The following BMP5 variants were observed in gnomAD, a reference collection of about 807,000 sequenced individuals.
BMP5 encodes the protein bone morphogenetic protein 5.
In BMP5, 23 loss-of-function variants were observed where a neutral mutation model predicts 46.6. That is an observed-to-expected ratio of 0.49 (90% CI 0.35 to 0.70). The LOEUF is 0.70. Among genes scored for constraint, BMP5 ranks in the 30% least tolerant of loss-of-function variants. The pLI, the probability that BMP5 is intolerant of heterozygous loss-of-function variation, is 0.00. For synonymous variants in BMP5, 204 were observed against 191.9 expected (o/e 1.06, Z -0.52); for missense variants, 545 against 565.6 (o/e 0.96, Z 0.37).
intron 3 of BMP5, among the ~76,000 whole-genome samples, chr6:55,774,821 G>T (rs1020422): frequency 6.6e-6 from 1 of 151,874 alleles, no homozygotes; most frequent in African/African-American, 2.4e-5. Context: ...GGGGATGGAG[G>T]TCTGCTTTAA....
chr6:55,837,954 C>T (rs1483932012), intron 1 of BMP5, among the ~76,000 whole-genome samples: 1 of 152,128 alleles, frequency 6.6e-6, no homozygotes, highest in African/African-American at 2.4e-5. Context: ...CCTAATGATA[C>T]CTAGTTTCAT....
At chr6:55,767,548 A>C (rs1774943802) in intron 4 of BMP5, among the ~76,000 whole-genome samples, 1 of 151,186 alleles carries the variant, frequency 6.6e-6, no homozygotes, top group Non-Finnish European at 1.5e-5. Context: ...TCAGTATTAG[A>C]TATTAAGTGA....
At chr6:55,842,503 T>C (rs550417070) in intron 1 of BMP5, among the ~76,000 whole-genome samples, 1 of 152,098 alleles carries the variant, frequency 6.6e-6, no homozygotes, top group Non-Finnish European at 1.5e-5. Context: ...TGCCTCCACA[T>C]AGCACCTTTA....
chr6:55,868,010 T>C lies in BMP5; in HGVS notation c.490+6366A>G, dbSNP rs566864532. Among the ~76,000 whole-genome samples the C allele has an allele frequency of 3.9e-5, 6 of 152,288 alleles. No homozygotes were observed. The South Asian group carries it at 1.0e-3, about 26-fold the overall frequency. On this transcript the variant is annotated intron_variant, in intron 1 of 6. Transcript: ENST00000370830. ...AAGTCATGTGAGCAGTAATATGCCA[T>C]GAACTGAAGATTCTGGAGATGGCTG...
At chr6:55,807,261 A>C (rs1287711067) in intron 2 of BMP5, among the ~76,000 whole-genome samples, 1 of 152,176 alleles carries the variant, frequency 6.6e-6, no homozygotes, top group Admixed American at 6.5e-5. Flanking sequence ...TAATTTATTG[A>C]GAGTTTTTAA....
In BMP5 at chr6:55,754,318, A is replaced by T; in HGVS notation, c.*1215T>A. Reference sequence around the variant, plus strand: ...TTTAGAGGGAAGAACACACATGCACACACAGACACACACACACACACACAC... The same window carrying T: ...TTTAGAGGGAAGAACACACATGCACTCACAGACACACACACACACACACAC... On this transcript the variant is annotated 3_prime_UTR_variant, in exon 7 of 7. Coordinates refer to ENST00000370830, the MANE Select transcript of BMP5 (RefSeq NM_021073.4). 1 of 45,030 alleles carries T rather than the reference A, an allele frequency of 2.2e-5. No individual in the cohort carries two copies. Among genetic ancestry groups the T allele is most frequent in the South Asian group, 6.2e-4 (1 of 1,622 alleles). 2.8% of individuals were successfully genotyped at this position (45,030 alleles called of 1,614,324 possible).
At chr6:55,774,949 G>T (rs1775137876) in intron 3 of BMP5, among the ~76,000 whole-genome samples, 1 of 151,932 alleles carries the variant, frequency 6.6e-6, no homozygotes, top group South Asian at 2.1e-4. Flanking sequence ...CCCCTTCTGA[G>T]TTTTGACACA....
rs148839935 is a variant in BMP5 at position 55,821,554 on chromosome 6, C to T, written c.491-1707G>A. On this transcript the variant is annotated intron_variant, in intron 1 of 6. Coordinates refer to ENST00000370830, the MANE Select transcript of BMP5 (RefSeq NM_021073.4). ...TTTGGCTCTCTGACTACAGTAACAC[C>T]ACCTCACATGATTCATAAAATTATT... Among the ~76,000 whole-genome samples the T allele has an allele frequency of 6.6e-5, 10 of 152,150 alleles. No homozygotes were observed. The East Asian group carries it at 1.9e-3, about 29-fold the overall frequency.
chr6:55,836,222 G>T (rs1270557724), intron 1 of BMP5, among the ~76,000 whole-genome samples: 1 of 152,054 alleles, frequency 6.6e-6, no homozygotes, highest in East Asian at 1.9e-4. Context: ...AAAACACATT[G>T]TTTTATTAAG....
chr6:55,754,773 G>T lies in BMP5; in HGVS notation c.*760C>A, dbSNP rs1774538535. On this transcript the variant is annotated 3_prime_UTR_variant, in exon 7 of 7. Coordinates refer to ENST00000370830, the MANE Select transcript of BMP5 (RefSeq NM_021073.4). ...AGTGTTCTAGATAATAGGCAGACAT[G>T]ATTTATTTGAGGTAAGAAGGTTGTA... 1 of 151,950 alleles carries T rather than the reference G, an allele frequency of 6.6e-6. No individual in the cohort carries two copies. Among genetic ancestry groups the T allele is most frequent in the Admixed American group, 6.6e-5 (1 of 15,212 alleles). The allele number at this position is 151,950 out of a possible 1,614,324, so 9.4% of individuals were successfully genotyped here.
At chr6:55,872,952 A>G (rs1777819390) in intron 1 of BMP5, among the ~76,000 whole-genome samples, 1 of 151,912 alleles carries the variant, frequency 6.6e-6, no homozygotes, top group South Asian at 2.1e-4. Flanking sequence ...CTATATTTTA[A>G]TGACTAAAAA....
intron 2 of BMP5, among the ~76,000 whole-genome samples, chr6:55,812,539 G>A (rs922431365): frequency 1.1e-4 from 17 of 152,156 alleles, no homozygotes; most frequent in South Asian, 2.1e-4. Flanking sequence ...TACCCAGCCA[G>A]TCCTAGGCAG....
At chr6:55,791,072 T>G (rs181191964) in intron 3 of BMP5, among the ~76,000 whole-genome samples, 3 of 152,338 alleles carry the variant, frequency 2.0e-5, no homozygotes, top group African/African-American at 7.2e-5. Context: ...TTCATGATTT[T>G]CAACTCCTTT....
At chr6:55,760,401 T>C (rs1774741033) in intron 5 of BMP5, 56 bp downstream of exon 5, 2 of 1,495,224 alleles carry the variant, frequency 1.3e-6, no homozygotes, top group African/African-American at 1.4e-5. Flanking sequence ...CTATGACTTA[T>C]TAAGGATTTA....
At chr6:55,841,374 T>A (rs1255415289) in intron 1 of BMP5, among the ~76,000 whole-genome samples, 1 of 152,240 alleles carries the variant, frequency 6.6e-6, no homozygotes, top group East Asian at 1.9e-4. Context: ...TCACTGGAGC[T>A]ATGTTTTTCT....
intron 6 of BMP5, among the ~76,000 whole-genome samples, chr6:55,758,643 T>C (rs1478382600): frequency 1.3e-5 from 2 of 151,930 alleles, no homozygotes; most frequent in Non-Finnish European, 2.9e-5. Context: ...TGAAATTTAG[T>C]ACAGCTATTA....
At chr6:55,760,789 C>T (rs1339996225) in intron 4 of BMP5, among the ~76,000 whole-genome samples, 1 of 151,980 alleles carries the variant, frequency 6.6e-6, no homozygotes, top group Non-Finnish European at 1.5e-5. Flanking sequence ...GTTAAGCCAT[C>T]TACTTGACAG....
intron 1 of BMP5, among the ~76,000 whole-genome samples, chr6:55,847,626 T>A (rs1777130646): frequency 6.6e-6 from 1 of 151,910 alleles, no homozygotes; most frequent in African/African-American, 2.4e-5. Context: ...AAAATCAATG[T>A]ATATAAAAAT....
chr6:55,841,569 C>A (rs189201561), intron 1 of BMP5, among the ~76,000 whole-genome samples: 118 of 152,018 alleles, frequency 7.8e-4, no homozygotes, highest in Non-Finnish European at 1.5e-3. Flanking sequence ...GACTACAAGA[C>A]CAAACTCAAG....
Sources: gnomAD v4.1 joint callset for allele counts (sites outside exome capture counted in the v4.1 genomes callset) on GRCh38, gnomAD v4.1.1 for gene constraint, MANE v1.5 for transcripts, NCBI Gene and HGNC (gene_info 2026-07-23, HGNC 2026-07-21) for gene names.